CEACAM20: variants seen among roughly 807,000 people sequenced by gnomAD.
The protein encoded by CEACAM20 is cell adhesion molecule CEACAM20.
Under a neutral mutation model 61.2 loss-of-function variants are expected in CEACAM20, and 50 were observed. The observed-to-expected ratio is 0.82, with a 90% CI of 0.65 to 1.03. The LOEUF (loss-of-function observed/expected upper bound fraction) is 1.03, where lower values mean the gene tolerates loss of function less well. Ranked by LOEUF, CEACAM20 falls within the 50% of genes least tolerant of loss-of-function variation. The probability of loss-of-function intolerance (pLI) is 0.00; values close to 1 mark genes in which losing one functional copy is unlikely to be tolerated. For synonymous variants in CEACAM20, 282 were observed against 287.7 expected, an observed-to-expected ratio of 0.98 and a Z score of 0.20; for missense variants, 683 against 736.4, an observed-to-expected ratio of 0.93 and a Z score of 0.84.
At chr19:44,518,032 T>C (rs8103563) in intron 5 of CEACAM20, among the ~76,000 whole-genome samples, 71,496 of 143,792 alleles carry the variant, frequency 0.5, 20,016 homozygotes, top group East Asian at 0.76. Context: ...GGCAAGATTG[T>C]GCCACTGCAC....
chr19:44,522,686 G>T lies in CEACAM20; in HGVS notation c.699C>A (p.Ser233=). The change falls in exon 4 of 12, where the codon TCC becomes TCA. Residue 233 remains serine (S), a synonymous_variant. Transcript: ENST00000614924. ...GGCTGGACAGGTGGGTGGCACTGTT[G>T]GACACCAAGCACCTGTACAGGCCCT... ...EHEGLYRCLV[S]NSATHLSSLG... is the part of the protein sequence containing the mutation. 1 of 1,613,704 alleles carries T rather than the reference G, an allele frequency of 6.2e-7. No individual in the cohort carries two copies. The highest frequency in any genetic ancestry group is 1.1e-5 in the South Asian group (1 of 90,998).
In CEACAM20 at chr19:44,529,549, C is replaced by T. The variant is rs774115729; in HGVS notation, c.-40G>A. 18 of 1,605,328 alleles carry T rather than the reference C, an allele frequency of 1.1e-5. No homozygotes were observed. The East Asian group carries it at 2.9e-4, about 26-fold the overall frequency. On this transcript the variant is annotated 5_prime_UTR_variant, in exon 1 of 12. Coordinates refer to ENST00000614924, the MANE Select transcript of CEACAM20 (RefSeq NM_001102597.3). ...GACTTCAGTGTGCCAGGCCGTCTGT[C>T]GCCCCGGCTTGCACACACAGATACA...
intron 11 of CEACAM20, among the ~76,000 whole-genome samples, chr19:44,510,609 A>AAGG (rs1970962268): frequency 1.6e-5 from 1 of 63,670 alleles, no homozygotes; most frequent in African/African-American, 1.0e-4. Flanking sequence ...AGAAAGAAAG[A>AAGG]AAAAGGAAGG....
chr19:44,518,107 G>A (rs57953561), intron 5 of CEACAM20, among the ~76,000 whole-genome samples: 6,116 of 38,660 alleles, frequency 0.16, 490 homozygotes, highest in African/African-American at 0.32. Flanking sequence ...AGAAAGAAAG[G>A]AAGGAAGGAA....
intron 11 of CEACAM20, among the ~76,000 whole-genome samples, chr19:44,508,026 A>G (rs1334090967): frequency 6.6e-6 from 1 of 152,200 alleles, no homozygotes; most frequent in Non-Finnish European, 1.5e-5. Flanking sequence ...CAAGGAACAC[A>G]TTTATCCCTC....
At position 44,529,636 on chromosome 19, in the gene CEACAM20, TCACA is replaced by T. The variant is rs1264753863; in HGVS notation, c.-131_-128del. 1 of 703,632 alleles carries T rather than the reference TCACA, an allele frequency of 1.4e-6. No individual in the cohort carries two copies. Among genetic ancestry groups the T allele is most frequent in the Admixed American group, 2.4e-5 (1 of 41,884 alleles). 43.6% of individuals were successfully genotyped at this position (703,632 alleles called of 1,614,324 possible). Reference sequence around the variant, plus strand: ...TCTCCTCTCCCACCCTGCTACAAACTCACACACACACTGCAGTAACTGCAGCTCC... The same window carrying T: ...TCTCCTCTCCCACCCTGCTACAAACTCACACACTGCAGTAACTGCAGCTCC... On this transcript the variant is annotated 5_prime_UTR_variant, in exon 1 of 12. Transcript: ENST00000614924.
chr19:44,524,293 A>G, intron 2 of CEACAM20, 32 bp from the exon 3 acceptor site: 2 of 1,592,684 alleles, frequency 1.3e-6, no homozygotes, highest in South Asian at 2.3e-5. Context: ...AGAGGCAGAG[A>G]CACAGGTAGA....
chr19:44,518,852 AG>A (rs143281001), intron 5 of CEACAM20, among the ~76,000 whole-genome samples: 2,450 of 152,130 alleles, frequency 0.016, 83 homozygotes, highest in African/African-American at 0.055. Flanking sequence ...TAAGTACTAA[AG>A]TGTCACTGTC....
At chr19:44,519,208 C>G (rs1444362282) in intron 5 of CEACAM20, among the ~76,000 whole-genome samples, 1 of 152,162 alleles carries the variant, frequency 6.6e-6, no homozygotes, top group Non-Finnish European at 1.5e-5. Context: ...TTGGGCTCCC[C>G]ATACCCTCCC....
intron 6 of CEACAM20, among the ~76,000 whole-genome samples, chr19:44,516,222 T>C (rs1971149313): frequency 1.3e-5 from 2 of 152,202 alleles, no homozygotes; most frequent in Non-Finnish European, 2.9e-5. Context: ...GTCCAGTTGT[T>C]ATTAACATCA....
chr19:44,512,984 C>A (rs1360254675), intron 7 of CEACAM20, 31 bp from the exon 8 acceptor site: 2 of 1,567,392 alleles, frequency 1.3e-6, no homozygotes, highest in Non-Finnish European at 1.7e-6. Flanking sequence ...TTATTCTGTG[C>A]CTCTAGTCCT....
Position 44,516,974 on chromosome 19 carries a change from G to C in CEACAM20, c.1281C>G (p.Arg427=), listed in dbSNP as rs1490047729. The C allele has an allele frequency of 7.5e-6, 12 of 1,599,194 alleles. No homozygotes were observed. The highest frequency in any genetic ancestry group is 3.3e-4 in the Middle Eastern group (2 of 6,044). Residue 427 remains arginine, a synonymous_variant, in exon 6 of 12, where the codon CGC becomes CGG. Coordinates refer to ENST00000614924, the MANE Select transcript of CEACAM20 (RefSeq NM_001102597.3). ...TASNSLTGLA[R]STSVLVKVVG... ...CCACCTTGACCAGGACTGAAGTGGAGCGGGCCAGGCCAGTGAGAGAGTTGG... is the reference window on the plus strand; with the variant it reads ...CCACCTTGACCAGGACTGAAGTGGACCGGGCCAGGCCAGTGAGAGAGTTGG...
intron 11 of CEACAM20, among the ~76,000 whole-genome samples, chr19:44,510,532 AAAGG>A (rs1173856801): frequency 0.1 from 10,321 of 103,442 alleles, 920 homozygotes; most frequent in East Asian, 0.21. Flanking sequence ...AAGAAAGATG[AAAGG>A]AAGGAAGGAA....
At chr19:44,515,342 A>G (rs1246366499) in intron 6 of CEACAM20, among the ~76,000 whole-genome samples, 2 of 152,164 alleles carry the variant, frequency 1.3e-5, no homozygotes, top group Non-Finnish European at 2.9e-5. Flanking sequence ...CGTGAGCATC[A>G]ACTGAACTCC....
chr19:44,506,561 G>A (rs1004314565), intron 11 of CEACAM20, among the ~76,000 whole-genome samples: 2 of 152,242 alleles, frequency 1.3e-5, no homozygotes, highest in African/African-American at 2.4e-5. Flanking sequence ...GCATGTATGT[G>A]ATTCTGTTAC....
chr19:44,523,890 G>C, intron 3 of CEACAM20, 96 bp downstream of exon 3: 1 of 1,310,304 alleles, frequency 7.6e-7, no homozygotes, highest in Non-Finnish European at 1.0e-6. Flanking sequence ...AGGTAGACAA[G>C]TCCGCATCTG....
Position 44,512,007 on chromosome 19 carries a change from C to T in CEACAM20, c.1575+10G>A, listed in dbSNP as rs1386861645. On this transcript the variant is annotated intron_variant, in intron 9 of 11. Transcript: ENST00000614924. ...GGATCAAGGAGGGTTCCCTCTGCAG[C>T]ATCACTCACCAGTTCGACTCTGATC... 2 of 1,606,044 alleles carry T rather than the reference C, an allele frequency of 1.2e-6. No individual in the cohort carries two copies. The highest frequency in any genetic ancestry group is 1.1e-5 in the South Asian group (1 of 88,976).
chr19:44,508,216 G>A (rs897336981), intron 11 of CEACAM20, among the ~76,000 whole-genome samples: 5 of 152,138 alleles, frequency 3.3e-5, no homozygotes, highest in African/African-American at 1.2e-4. Context: ...TATAGAATCT[G>A]AAGTCCATTC....
intron 1 of CEACAM20, among the ~76,000 whole-genome samples, chr19:44,528,073 CCTGT>C (rs533646030): frequency 2.4e-3 from 371 of 152,090 alleles, no homozygotes; most frequent in African/African-American, 8.0e-3. Flanking sequence ...CAGTTCTTTC[CCTGT>C]CTCTTTGTCC....
Sources: allele counts gnomAD v4.1 joint callset (sites outside exome capture counted in the v4.1 genomes callset), GRCh38; gene constraint gnomAD v4.1.1; transcripts MANE v1.5; gene names NCBI Gene and HGNC (gene_info 2026-07-23, HGNC 2026-07-21).